The following MTMR1 variants were observed in gnomAD, a reference collection of about 807,000 sequenced individuals.
The protein encoded by MTMR1 is myotubularin related protein 1, also known as phosphatidylinositol-3-phosphate phosphatase MTMR1.
Under a neutral mutation model 51.6 loss-of-function variants are expected in MTMR1, and 17 were observed. The ratio of observed to expected loss-of-function variants is 0.33; its 90% CI spans 0.23 to 0.49. The LOEUF is 0.49. Ranked by LOEUF, MTMR1 falls within the 20% of genes least tolerant of loss-of-function variation. The probability of loss-of-function intolerance (pLI) is 0.99; values close to 1 mark genes in which losing one functional copy is unlikely to be tolerated. For synonymous variants in MTMR1, 201 were observed against 205.6 expected (o/e 0.98, Z 0.19); for missense variants, 386 against 526.9 (o/e 0.73, Z 2.62).
chrX:150,754,511 T>C (rs919132217), intron 14 of MTMR1, among the ~76,000 whole-genome samples: 1 of 112,425 alleles, frequency 8.9e-6, no homozygotes, highest in Non-Finnish European at 1.9e-5. Context: ...TCACCATGCC[T>C]GCACATTTGG....
chrX:150,730,986 G>A (rs782067147), intron 8 of MTMR1, among the ~76,000 whole-genome samples: 145 of 112,249 alleles, frequency 1.3e-3, no homozygotes, highest in Middle Eastern at 4.6e-3. Context: ...CAGTGTTCCC[G>A]GGTCTGGGAA....
At chrX:150,728,029 C>T (rs1557416843) in intron 6 of MTMR1, among the ~76,000 whole-genome samples, 1 of 111,666 alleles carries the variant, frequency 9.0e-6, no homozygotes, top group African/African-American at 3.3e-5. Flanking sequence ...GGGATTGATT[C>T]CAGGACCTCT....
chrX:150,728,716 A>AC (rs1349955510), intron 6 of MTMR1, among the ~76,000 whole-genome samples: 3 of 110,349 alleles, frequency 2.7e-5, no homozygotes, highest in African/African-American at 9.9e-5. Flanking sequence ...CAAAAACCCT[A>AC]CCTGAAGTAC....
At chrX:150,741,263 T>C (rs1157793582) in intron 12 of MTMR1, among the ~76,000 whole-genome samples, 1 of 111,681 alleles carries the variant, frequency 9.0e-6, no homozygotes, top group African/African-American at 3.3e-5. Context: ...ATCTCCAGCC[T>C]CACCTCTCAT....
chrX:150,715,855 T>C (rs1449470984), intron 3 of MTMR1, among the ~76,000 whole-genome samples: 1 of 112,813 alleles, frequency 8.9e-6, no homozygotes, highest in African/African-American at 3.2e-5. Flanking sequence ...CACTGACATA[T>C]AAATGCACAG....
At position 150,762,712 on chromosome X, in the gene MTMR1, G is replaced by A. The variant is rs77346702; in HGVS notation, c.2005G>A (p.Val669Ile). 2.4e-3 allele frequency: 2,865 copies of A among 1,171,064 alleles called. 3 individuals are homozygous for A. The highest frequency in any genetic ancestry group is 3.1e-3 in the Non-Finnish European group (2,703 of 874,168). The change falls in exon 16 of 16, where the codon GTC becomes ATC. Residue 669 changes from valine (V) to isoleucine (I), a missense_variant. Transcript: ENST00000445323. ...GSSPSHSATS[V>I]HTSV is the part of the protein sequence containing the mutation. ...CTCGCCCTCCCACTCCGCCACCTCC[G>A]TCCACACCTCGGTCTGATGGGCGAG...
At chrX:150,702,635 T>C (rs1330932949) in intron 2 of MTMR1, among the ~76,000 whole-genome samples, 3 of 112,571 alleles carry the variant, frequency 2.7e-5, no homozygotes, top group Non-Finnish European at 5.6e-5. Context: ...AGTAGCTATG[T>C]AATTATTTTC....
intron 2 of MTMR1, among the ~76,000 whole-genome samples, chrX:150,711,091 C>T (rs782801089): frequency 4.6e-4 from 51 of 111,822 alleles, no homozygotes; most frequent in South Asian, 3.4e-3. Context: ...AATGATAAAC[C>T]TCAAATATTT....
chrX:150,699,699 T>C (rs1557415874), intron 2 of MTMR1, among the ~76,000 whole-genome samples: 2 of 112,659 alleles, frequency 1.8e-5, no homozygotes, highest in Non-Finnish European at 3.7e-5. Flanking sequence ...CATGTGATAC[T>C]AGAATGTATA....
intron 9 of MTMR1, among the ~76,000 whole-genome samples, chrX:150,732,315 G>A (rs2042141535): frequency 9.0e-6 from 1 of 111,350 alleles, no homozygotes; most frequent in African/African-American, 3.3e-5. Context: ...AGAATATTGG[G>A]GATGGAAGGG....
intron 4 of MTMR1, among the ~76,000 whole-genome samples, chrX:150,726,799 A>T (rs1302262860): frequency 8.9e-6 from 1 of 112,310 alleles, no homozygotes; most frequent in African/African-American, 3.2e-5. Context: ...CTGTAAAAAG[A>T]GTTTCCTTTG....
rs1268820113 is a variant in MTMR1 at position 150,693,449 on chromosome X, C to CA, written c.-81dup. On this transcript the variant is annotated 5_prime_UTR_variant, in exon 1 of 16. Transcript: ENST00000445323. Reference sequence around the variant, plus strand: ...CGGGCGGGCGGTATAGAGCGGGCGGCAGGAGGCAAGCAGCGAAACCTTCCC... The same window carrying CA: ...CGGGCGGGCGGTATAGAGCGGGCGGCAAGGAGGCAAGCAGCGAAACCTTCCC... 3 of 755,351 alleles carry CA rather than the reference C, an allele frequency of 4.0e-6. No individual in the cohort carries two copies. Among genetic ancestry groups the CA allele is most frequent in the Non-Finnish European group, 4.7e-6 (3 of 640,698 alleles). The allele number at this position is 755,351 out of a possible 1,213,427, so 62.2% of individuals were successfully genotyped here.
intron 13 of MTMR1, among the ~76,000 whole-genome samples, chrX:150,748,641 G>A (rs1322640732): frequency 9.6e-6 from 1 of 104,647 alleles, no homozygotes. Context: ...AACATAGGGA[G>A]ACCTTGTCTT....
intron 14 of MTMR1, among the ~76,000 whole-genome samples, chrX:150,755,280 G>T (rs1222693942): frequency 4.5e-5 from 5 of 111,729 alleles, no homozygotes; most frequent in Non-Finnish European, 7.5e-5. Context: ...CCTGCCTCAA[G>T]CAGTCCTCGC....
intron 14 of MTMR1, among the ~76,000 whole-genome samples, chrX:150,754,576 C>T (rs1244447208): frequency 8.9e-6 from 1 of 112,297 alleles, no homozygotes; most frequent in African/African-American, 3.2e-5. Context: ...GAATAGTGTA[C>T]TACAAAATTA....
intron 15 of MTMR1, among the ~76,000 whole-genome samples, chrX:150,761,976 G>T (rs1268503670): frequency 8.9e-6 from 1 of 112,513 alleles, no homozygotes; most frequent in Admixed American, 9.3e-5. Context: ...GCTGAGCAAG[G>T]AGGGAGGGGT....
intron 3 of MTMR1, chrX:150,712,993 A>G: frequency 4.4e-6 from 4 of 902,046 alleles, no homozygotes; most frequent in Non-Finnish European, 5.6e-6. Context: ...CATTTAACAG[A>G]CATTGAAAAT....
rs2042308736 is a variant in MTMR1, at chrX:150,737,503, T to C, written c.1473+55T>C. The stretch of plus-strand genomic sequence containing the variant: ...ACTGTTTTGCGGTATCATATGGATG[T>C]AAACGTCATGTGTGACACACGTAAG... On this transcript the variant is annotated intron_variant, in intron 12 of 15. Transcript: ENST00000445323. 2.4e-5 allele frequency: 25 copies of C among 1,037,140 alleles called. No individual in the cohort carries two copies. The South Asian group carries it at 4.8e-4, about 20-fold the overall frequency. The allele number at this position is 1,037,140 out of a possible 1,213,427, so 85.5% of individuals were successfully genotyped here.
chrX:150,732,712 T>G lies in MTMR1; in HGVS notation c.1062T>G (p.Ser354Arg). 1 of 1,204,803 alleles carries G rather than the reference T, an allele frequency of 8.3e-7. No homozygotes were observed. The highest frequency in any genetic ancestry group is 1.1e-6 in the Non-Finnish European group (1 of 891,418). Reference protein sequence around the residue: ...KLIIFDARQNSVADTNKTKGG... With the variant: ...KLIIFDARQNRVADTNKTKGG... ...TCATCTTTGATGCTCGACAAAACAGTGTCGCTGATACCAACAAGGTATATT... is the reference window on the plus strand; with the variant it reads ...TCATCTTTGATGCTCGACAAAACAGGGTCGCTGATACCAACAAGGTATATT... Residue 354 changes from serine (S) to arginine (R), a missense_variant, in exon 10 of 16, where the codon AGT becomes AGG. Coordinates refer to ENST00000445323, the MANE Select transcript of MTMR1 (RefSeq NM_001306144.3).
Sources: allele counts gnomAD v4.1 joint callset (sites outside exome capture counted in the v4.1 genomes callset), GRCh38; gene constraint gnomAD v4.1.1; transcripts MANE v1.5; gene names NCBI Gene and HGNC (gene_info 2026-07-23, HGNC 2026-07-21).